TRAK1: variants seen among roughly 807,000 people sequenced by gnomAD.
TRAK1 encodes trafficking kinesin-binding protein 1.
TRAK1 carries 33 observed loss-of-function variants against 92.1 expected under a neutral mutation model. The observed-to-expected ratio is 0.36, with a 90% CI of 0.27 to 0.48. TRAK1 has a LOEUF of 0.48. TRAK1 is among the 20% of genes least tolerant of loss of function. TRAK1 has a pLI of 0.99. For synonymous variants in TRAK1, 521 were observed against 517.3 expected (o/e 1.01, Z -0.10); for missense variants, 1,123 against 1,257.9 (o/e 0.89, Z 1.62).
intron 1 of TRAK1, among the ~76,000 whole-genome samples, chr3:42,117,580 C>T (rs1709321871): frequency 6.6e-6 from 1 of 152,126 alleles, no homozygotes; most frequent in African/African-American, 2.4e-5. Flanking sequence ...TACTTTCCTT[C>T]TAGACAGCTC....
chr3:42,193,705 T>C, intron 8 of TRAK1, 119 bp from the exon 9 acceptor site: 1 of 1,053,254 alleles, frequency 9.5e-7, no homozygotes, highest in Non-Finnish European at 1.5e-6. Flanking sequence ...AATTTGAGTA[T>C]AAGATGAGCA....
At chr3:42,201,417 C>T (rs1183004172) in intron 12 of TRAK1, among the ~76,000 whole-genome samples, 1 of 151,780 alleles carries the variant, frequency 6.6e-6, no homozygotes, top group African/African-American at 2.4e-5. Context: ...CTGATAATTG[C>T]ACCACTGCAC....
chr3:42,079,411 C>T (rs1576260309), intron 1 of TRAK1, among the ~76,000 whole-genome samples: 1 of 151,750 alleles, frequency 6.6e-6, no homozygotes, highest in East Asian at 1.9e-4. Context: ...TGGGCTTCAA[C>T]CTGGTGCTCT....
intron 1 of TRAK1, among the ~76,000 whole-genome samples, chr3:42,067,807 G>T (rs373748897): frequency 1.6e-5 from 2 of 128,838 alleles, no homozygotes; most frequent in African/African-American, 5.5e-5. Flanking sequence ...CACGTAGTTA[G>T]TTTTTTTTTC....
At chr3:42,122,052 A>G (rs1709954930) in intron 1 of TRAK1, among the ~76,000 whole-genome samples, 1 of 151,618 alleles carries the variant, frequency 6.6e-6, no homozygotes, top group African/African-American at 2.4e-5. Context: ...TCCTGACCTC[A>G]AGTGATCCAC....
At chr3:42,041,796 TC>T (rs60196603) in intron 1 of TRAK1, among the ~76,000 whole-genome samples, 16,420 of 147,886 alleles carry the variant, frequency 0.11, 2,910 homozygotes, top group African/African-American at 0.36. Context: ...TTTTTTTTTT[TC>T]TTTTCTTTTC....
At chr3:42,122,554 G>T (rs1025769792) in intron 1 of TRAK1, among the ~76,000 whole-genome samples, 1 of 152,162 alleles carries the variant, frequency 6.6e-6, no homozygotes, top group Non-Finnish European at 1.5e-5. Flanking sequence ...TACCGACTAG[G>T]TGTCAGCCCT....
upstream of TRAK1, among the ~76,000 whole-genome samples, chr3:42,083,212 G>A (rs1704516261): frequency 6.6e-6 from 1 of 152,118 alleles, no homozygotes; most frequent in Non-Finnish European, 1.5e-5. Context: ...AAATCACTGT[G>A]AAGTTTCCTT....
intron 1 of TRAK1, among the ~76,000 whole-genome samples, chr3:42,110,094 G>GTATGTATATATATATATATA (rs1553719379): frequency 1.2e-5 from 1 of 83,238 alleles, no homozygotes; most frequent in African/African-American, 5.6e-5. Flanking sequence ...AGAACTTAAA[G>GTATGTATATATATATATATA]TATATATATA....
At chr3:42,037,284 A>G (rs1352885865) in intron 1 of TRAK1, among the ~76,000 whole-genome samples, 1 of 152,246 alleles carries the variant, frequency 6.6e-6, no homozygotes, top group Non-Finnish European at 1.5e-5. Flanking sequence ...GGACAAATAT[A>G]CACGGTGTGT....
rs77963210 is a variant in TRAK1, at chr3:42,139,474, C to T, written c.286+13860C>T. Among the ~76,000 whole-genome samples the T allele has an allele frequency of 6.1e-3, 927 of 152,190 alleles. 38 individuals are homozygous for T. The East Asian group carries it at 0.11, about 18-fold the overall frequency. Reference sequence around the variant, plus strand: ...GGTGCTGAGTGGAATTGAGGGTGCCCGTCTTGGGGAAGTAATCAAAGGCAG... The same window carrying T: ...GGTGCTGAGTGGAATTGAGGGTGCCTGTCTTGGGGAAGTAATCAAAGGCAG... On this transcript the variant is annotated intron_variant, in intron 2 of 15. Coordinates refer to ENST00000327628, the MANE Select transcript of TRAK1 (RefSeq NM_001042646.3).
intron 2 of TRAK1, chr3:42,146,028 T>C (rs1699281791): frequency 5.0e-6 from 2 of 402,518 alleles, no homozygotes; most frequent in Admixed American, 6.9e-5. Flanking sequence ...CTTAAATACT[T>C]TGGCTTCAGG....
chr3:42,055,550 C>T (rs538881406), intron 1 of TRAK1, among the ~76,000 whole-genome samples: 5 of 152,316 alleles, frequency 3.3e-5, no homozygotes, highest in African/African-American at 1.2e-4. Flanking sequence ...GCAGCCTCGA[C>T]CTCCTGGGCC....
intron 1 of TRAK1, among the ~76,000 whole-genome samples, chr3:42,042,915 C>T (rs1187918014): frequency 3.3e-5 from 5 of 151,922 alleles, no homozygotes; most frequent in Non-Finnish European, 7.4e-5. Context: ...ATGGTCTGGA[C>T]GTGTGGCTAA....
rs762981192 is a variant in TRAK1 at position 42,210,246 on chromosome 3, C to T, written c.1963+261C>T. 21 of 1,526,858 alleles carry T rather than the reference C, an allele frequency of 1.4e-5. No individual in the cohort carries two copies. In the Middle Eastern group the frequency reaches 5.3e-4, roughly 39 times the overall value. 94.6% of individuals were successfully genotyped at this position (1,526,858 alleles called of 1,614,324 possible). ...TTCTCTGTCTGTAGCTTCCGCTCGT[C>T]TGTGTGGGTGATGATTAAAGCATTC... On this transcript the variant is annotated intron_variant, in intron 14 of 15. Transcript: ENST00000327628.
At chr3:42,213,858 C>T (rs1371200368) in intron 14 of TRAK1, among the ~76,000 whole-genome samples, 1 of 152,112 alleles carries the variant, frequency 6.6e-6, no homozygotes, top group Non-Finnish European at 1.5e-5. Flanking sequence ...TTCGATTCAG[C>T]CTGGTTTTAT....
rs200620651 is a variant in TRAK1, at chr3:42,219,586, G to A, written c.2056G>A (p.Val686Ile). ...ILHPSDELTR[V>I]TPSLNSAPTP... Reference sequence around the variant, plus strand: ...GCATCCTTCAGATGAGCTCACTCGGGTCACACCAAGGTAAGGGACCCTGGC... The same window carrying A: ...GCATCCTTCAGATGAGCTCACTCGGATCACACCAAGGTAAGGGACCCTGGC... Residue 686 changes from valine (V) to isoleucine (I), a missense_variant, in exon 15 of 16, where the codon GTC becomes ATC. By Grantham distance (29) the Val-to-Ile change is conservative. Coordinates refer to ENST00000327628, the MANE Select transcript of TRAK1 (RefSeq NM_001042646.3). 3 of 1,585,668 alleles carry A rather than the reference G, an allele frequency of 1.9e-6. No homozygotes were observed. Among genetic ancestry groups the A allele is most frequent in the Non-Finnish European group, 2.6e-6 (3 of 1,162,852 alleles).
rs151070540 is a variant in TRAK1, at chr3:42,105,373, C to T, written c.91+13813C>T. ...TGGCACGAGAACTATGTGACGCATGCACAAGCTTCAGTAGCCGATTTGATC... is the reference window on the plus strand; with the variant it reads ...TGGCACGAGAACTATGTGACGCATGTACAAGCTTCAGTAGCCGATTTGATC... On this transcript the variant is annotated intron_variant, in intron 1 of 15. Coordinates refer to ENST00000327628, the MANE Select transcript of TRAK1 (RefSeq NM_001042646.3). Among the ~76,000 whole-genome samples the T allele has an allele frequency of 3.9e-3, 594 of 152,274 alleles. 6 individuals carry two copies. Among genetic ancestry groups the T allele is most frequent in the Middle Eastern group, 0.01 (3 of 294 alleles).
chr3:42,039,430 C>G (rs893746621), intron 1 of TRAK1, among the ~76,000 whole-genome samples: 1 of 152,190 alleles, frequency 6.6e-6, no homozygotes, highest in African/African-American at 2.4e-5. Context: ...ATGGCGTGAT[C>G]TCAGCTTACT....
Sources: allele counts gnomAD v4.1 joint callset (sites outside exome capture counted in the v4.1 genomes callset), GRCh38; gene constraint gnomAD v4.1.1; transcripts MANE v1.5; gene names NCBI Gene and HGNC (gene_info 2026-07-23, HGNC 2026-07-21).